TAF4B: variants seen among roughly 807,000 people sequenced by gnomAD.
TAF4B encodes transcription initiation factor TFIID subunit 4B.
In TAF4B, 38 loss-of-function variants were observed where a neutral mutation model predicts 86.4. The ratio of observed to expected loss-of-function variants is 0.44; its 90% CI spans 0.34 to 0.58. TAF4B has a LOEUF of 0.58. Ranked by LOEUF, TAF4B falls within the 20% of genes least tolerant of loss-of-function variation. The pLI, the probability that TAF4B is intolerant of heterozygous loss-of-function variation, is 0.02. For missense variants in TAF4B, 988 were observed against 1,027.6 expected (o/e 0.96, Z 0.53); for synonymous variants, 388 against 391.2 (o/e 0.99, Z 0.10).
chr18:26,295,512 A>G (rs931779615), intron 9 of TAF4B, among the ~76,000 whole-genome samples: 4 of 152,170 alleles, frequency 2.6e-5, no homozygotes, highest in Admixed American at 6.5e-5. Flanking sequence ...TTGTGCTCCT[A>G]TGAGACTCTA....
At chr18:26,346,805 ATATATATATATGTGTGTG>A (rs2057191269) in intron 13 of TAF4B, among the ~76,000 whole-genome samples, 20 of 24,582 alleles carry the variant, frequency 8.1e-4, no homozygotes, top group Non-Finnish European at 1.9e-3. Flanking sequence ...ATATGTGTAT[ATATATATATATGTGTGTG>A]TATATATATA....
intron 1 of TAF4B, among the ~76,000 whole-genome samples, chr18:26,240,134 G>C (rs2055814405): frequency 6.6e-6 from 1 of 152,162 alleles, no homozygotes; most frequent in African/African-American, 2.4e-5. Flanking sequence ...GAAAGTCATT[G>C]GTAGCTTGAT....
At chr18:26,274,900 T>G (rs1007946686) in intron 4 of TAF4B, 31 bp from the exon 5 acceptor site, 1 of 1,612,522 alleles carries the variant, frequency 6.2e-7, no homozygotes, top group African/African-American at 1.3e-5. Flanking sequence ...CTAACACTTG[T>G]GTTTGCTTAT....
At chr18:26,260,499 T>G (rs542491640) in intron 1 of TAF4B, among the ~76,000 whole-genome samples, 2 of 152,236 alleles carry the variant, frequency 1.3e-5, no homozygotes, top group African/African-American at 4.8e-5. Flanking sequence ...TTTCTACATA[T>G]GGCTAGCCAG....
intron 1 of TAF4B, among the ~76,000 whole-genome samples, chr18:26,231,462 C>T (rs992998546): frequency 6.6e-6 from 1 of 150,382 alleles, no homozygotes; most frequent in African/African-American, 2.5e-5. Flanking sequence ...AAGCAATTCT[C>T]ATGTCTCAGC....
chr18:26,290,244 A>G (rs771834446), intron 7 of TAF4B, among the ~76,000 whole-genome samples: 1 of 151,914 alleles, frequency 6.6e-6, no homozygotes, highest in Non-Finnish European at 1.5e-5. Context: ...GGCTCAAGCA[A>G]TCCTCCTGCC....
chr18:26,261,046 G>A (rs1568111293), intron 1 of TAF4B, among the ~76,000 whole-genome samples: 1 of 151,944 alleles, frequency 6.6e-6, no homozygotes, highest in Non-Finnish European at 1.5e-5. Flanking sequence ...CTCCTTGGGT[G>A]TGTTACTGTT....
At chr18:26,335,449 C>A (rs1377039745) in intron 13 of TAF4B, among the ~76,000 whole-genome samples, 1 of 152,024 alleles carries the variant, frequency 6.6e-6, no homozygotes, top group African/African-American at 2.4e-5. Flanking sequence ...AGGCCTGTCT[C>A]GAAATGGGTC....
At chr18:26,279,492 T>C in intron 5 of TAF4B, among the ~76,000 whole-genome samples, 1 of 151,306 alleles carries the variant, frequency 6.6e-6, no homozygotes, top group Middle Eastern at 3.4e-3. Flanking sequence ...GAAAACTCTT[T>C]TAAAATTCAT....
intron 11 of TAF4B, among the ~76,000 whole-genome samples, chr18:26,324,714 T>C (rs2144681900): frequency 6.6e-6 from 1 of 152,312 alleles, no homozygotes; most frequent in East Asian, 1.9e-4. Flanking sequence ...TTCCCGAGCT[T>C]TCCTTTTCCT....
intron 14 of TAF4B, among the ~76,000 whole-genome samples, chr18:26,367,375 A>G (rs2057378879): frequency 6.6e-6 from 1 of 152,180 alleles, no homozygotes; most frequent in Non-Finnish European, 1.5e-5. Context: ...GGTATGGGGA[A>G]TTAACTGGAG....
intron 5 of TAF4B, among the ~76,000 whole-genome samples, chr18:26,279,310 C>G (rs2056418603): frequency 1.3e-5 from 2 of 152,094 alleles, no homozygotes; most frequent in East Asian, 1.9e-4. Flanking sequence ...AGGAATACAG[C>G]TAACCAAGGA....
intron 1 of TAF4B, among the ~76,000 whole-genome samples, chr18:26,243,279 A>AT (rs1055516501): frequency 1.1e-4 from 16 of 150,990 alleles, no homozygotes; most frequent in Non-Finnish European, 1.6e-4. Flanking sequence ...GGCTTTGTTT[A>AT]TTTTTTTTTA....
intron 8 of TAF4B, 149 bp downstream of exon 8, chr18:26,292,530 T>C: frequency 1.1e-6 from 1 of 871,010 alleles, no homozygotes; most frequent in Non-Finnish European, 1.7e-6. Context: ...AATCGTTAGA[T>C]TTCTCTCCCC....
At chr18:26,359,277 G>A (rs891412580) in intron 14 of TAF4B, among the ~76,000 whole-genome samples, 6 of 152,076 alleles carry the variant, frequency 3.9e-5, no homozygotes, top group African/African-American at 1.4e-4. Context: ...GGACATTTAG[G>A]TTGTTTCCAG....
intron 14 of TAF4B, among the ~76,000 whole-genome samples, chr18:26,378,431 A>T (rs944294049): frequency 4.6e-5 from 7 of 152,180 alleles, no homozygotes; most frequent in Non-Finnish European, 1.0e-4. Flanking sequence ...ATGTTTGTGG[A>T]TGTAGAATTC....
At position 26,315,134 on chromosome 18, in the gene TAF4B, CTCTCTCTCTCTG is replaced by C. The variant is rs1323051201; in HGVS notation, c.1833-83_1833-72del. On this transcript the variant is annotated intron_variant, in intron 9 of 14. Coordinates refer to ENST00000269142, the MANE Select transcript of TAF4B (RefSeq NM_005640.3). The stretch of plus-strand genomic sequence containing the variant: ...TCTCTCTCTCTCTCTCTCTCTCTCT[CTCTCTCTCTCTG>C]TCTCTCTCTCTCTCTCACACACACA... 2.1e-3 allele frequency: 642 copies of C among 303,172 alleles called. 11 individuals are homozygous for C. Among genetic ancestry groups the C allele is most frequent in the African/African-American group, 0.02 (409 of 20,914 alleles). 18.8% of individuals were successfully genotyped at this position (303,172 alleles called of 1,614,324 possible). A position where few individuals can be genotyped will look rare whatever the true frequency, so the allele number is the denominator to read the frequency against.
chr18:26,291,388 C>A (rs957595120), intron 7 of TAF4B, among the ~76,000 whole-genome samples: 4 of 151,758 alleles, frequency 2.6e-5, no homozygotes, highest in Non-Finnish European at 4.4e-5. Flanking sequence ...ATACTTTAGA[C>A]CGGGCGTGGT....
intron 1 of TAF4B, among the ~76,000 whole-genome samples, chr18:26,259,386 T>C (rs1598733982): frequency 6.6e-6 from 1 of 152,218 alleles, no homozygotes; most frequent in East Asian, 1.9e-4. Flanking sequence ...CTGCACCCAT[T>C]AACTCATCAT....
Sources: gnomAD v4.1 joint callset for allele counts (sites outside exome capture counted in the v4.1 genomes callset) on GRCh38, gnomAD v4.1.1 for gene constraint, MANE v1.5 for transcripts, NCBI Gene and HGNC (gene_info 2026-07-23, HGNC 2026-07-21) for gene names.